Variants in SPTSSB observed in about 807,000 individuals in gnomAD.
SPTSSB encodes the protein androgen down regulated in mouse prostate.
SPTSSB carries 6 observed loss-of-function variants against 7.7 expected under a neutral mutation model. That is an observed-to-expected ratio of 0.78 (90% CI 0.43 to 1.54). The LOEUF is 1.54. Among genes scored for constraint, SPTSSB ranks in the 40% most tolerant of loss-of-function variants. The pLI, the probability that SPTSSB is intolerant of heterozygous loss-of-function variation, is 0.01. For synonymous variants in SPTSSB, 28 were observed against 29.7 expected, an observed-to-expected ratio of 0.94 and a Z score of 0.19; for missense variants, 91 against 93.0, an observed-to-expected ratio of 0.98 and a Z score of 0.09.
intron 1 of SPTSSB, among the ~76,000 whole-genome samples, chr3:161,363,424 GACA>G (rs1275678411): frequency 6.6e-6 from 1 of 151,890 alleles, no homozygotes; most frequent in Non-Finnish European, 1.5e-5. Context: ...AGACTTTGCT[GACA>G]ACTTTAAGAG....
At chr3:161,364,341 C>T (rs951828147) in intron 1 of SPTSSB, among the ~76,000 whole-genome samples, 1 of 152,066 alleles carries the variant, frequency 6.6e-6, no homozygotes, top group Non-Finnish European at 1.5e-5. Context: ...CATCAAAGGT[C>T]GCTATCTGAG....
chr3:161,352,913 A>G (rs1186667108), intron 2 of SPTSSB, among the ~76,000 whole-genome samples: 1 of 152,204 alleles, frequency 6.6e-6, no homozygotes, highest in Non-Finnish European at 1.5e-5. Context: ...TTTAAATCCT[A>G]TTGAAATAGC....
At chr3:161,358,167 C>A (rs1190596400) in intron 2 of SPTSSB, among the ~76,000 whole-genome samples, 2 of 151,710 alleles carry the variant, frequency 1.3e-5, no homozygotes, top group Non-Finnish European at 2.9e-5. Flanking sequence ...AGGCGTGCAC[C>A]ACTGCCCCCG....
chr3:161,367,594 A>G (rs2108169595), intron 1 of SPTSSB, among the ~76,000 whole-genome samples: 1 of 152,356 alleles, frequency 6.6e-6, no homozygotes, highest in Admixed American at 6.5e-5. Flanking sequence ...TGGGAACTCA[A>G]AACATAAAAG....
chr3:161,371,074 C>T (rs897523810), intron 1 of SPTSSB, among the ~76,000 whole-genome samples: 2 of 152,036 alleles, frequency 1.3e-5, no homozygotes, highest in African/African-American at 2.4e-5. Flanking sequence ...TATAGGAGCA[C>T]GGAACTAGGT....
chr3:161,354,093 A>G (rs1214086721), intron 2 of SPTSSB, among the ~76,000 whole-genome samples: 1 of 152,216 alleles, frequency 6.6e-6, no homozygotes, highest in Non-Finnish European at 1.5e-5. Context: ...CTACACATTC[A>G]TTAGTTGGAT....
rs531188327 is a variant in SPTSSB, at chr3:161,360,153, G to GGGA, written c.-125-262_-125-260dup. Among the ~76,000 whole-genome samples, 1,203 of 152,272 alleles carry GGGA rather than the reference G, an allele frequency of 7.9e-3. 11 individuals are homozygous for GGGA. The highest frequency in any genetic ancestry group is 0.027 in the African/African-American group (1,137 of 41,564). On this transcript the variant is annotated intron_variant, in intron 1 of 2. Coordinates refer to ENST00000620149, the MANE Select transcript of SPTSSB (RefSeq NM_001040100.2). Reference sequence around the variant, plus strand: ...AAGTGCCACAGGTACCAGGGTTGAGGGGAGGCCCAAGGAGGGACAAAGGGA... The same window carrying GGGA: ...AAGTGCCACAGGTACCAGGGTTGAGGGGAGGAGGCCCAAGGAGGGACAAAGGGA...
At chr3:161,347,492 C>T (rs912866977) in intron 2 of SPTSSB, among the ~76,000 whole-genome samples, 5 of 151,702 alleles carry the variant, frequency 3.3e-5, no homozygotes, top group Admixed American at 1.3e-4. Flanking sequence ...GAACTCCTGA[C>T]CACAGGTGAT....
intron 2 of SPTSSB, 178 bp downstream of exon 2, chr3:161,359,624 G>T: frequency 1.6e-6 from 1 of 622,350 alleles, no homozygotes; most frequent in African/African-American, 2.0e-5. Context: ...AATTACTAGA[G>T]CTAATTGCCC....
chr3:161,357,595 T>C (rs576200500), intron 2 of SPTSSB, among the ~76,000 whole-genome samples: 1 of 152,360 alleles, frequency 6.6e-6, no homozygotes, highest in African/African-American at 2.4e-5. Context: ...TGTTCATGTC[T>C]TGGAAGCAGT....
At chr3:161,350,004 T>A (rs1458721826) in intron 2 of SPTSSB, among the ~76,000 whole-genome samples, 1 of 152,062 alleles carries the variant, frequency 6.6e-6, no homozygotes, top group Admixed American at 6.6e-5. Flanking sequence ...GGGCAGGACT[T>A]TGTTCTGGCT....
chr3:161,358,400 G>A (rs9844862), intron 2 of SPTSSB, among the ~76,000 whole-genome samples: 64,015 of 151,834 alleles, frequency 0.42, 14,116 homozygotes, highest in East Asian at 0.64. Flanking sequence ...TACTAATTTT[G>A]TGACCCTGGC....
chr3:161,356,214 C>T (rs1224817522), intron 2 of SPTSSB, among the ~76,000 whole-genome samples: 1 of 152,198 alleles, frequency 6.6e-6, no homozygotes, highest in Non-Finnish European at 1.5e-5. Flanking sequence ...GCTTAATCTT[C>T]TACAGTACTT....
At chr3:161,354,722 C>A (rs1255666760) in intron 2 of SPTSSB, among the ~76,000 whole-genome samples, 1 of 152,128 alleles carries the variant, frequency 6.6e-6, no homozygotes, top group Non-Finnish European at 1.5e-5. Context: ...TATTTCTAGT[C>A]CAACTATCAA....
chr3:161,367,927 C>T (rs1013007840), intron 1 of SPTSSB, among the ~76,000 whole-genome samples: 1 of 152,178 alleles, frequency 6.6e-6, no homozygotes, highest in Non-Finnish European at 1.5e-5. Flanking sequence ...GTAGGAGGAA[C>T]AAGTGGCCTC....
chr3:161,353,526 T>C (rs752935052), intron 2 of SPTSSB, among the ~76,000 whole-genome samples: 9 of 151,998 alleles, frequency 5.9e-5, no homozygotes, highest in Non-Finnish European at 1.0e-4. Context: ...AAATATTTCT[T>C]GGGCAGGGCC....
At chr3:161,346,797 G>A (rs9837806) in intron 2 of SPTSSB, among the ~76,000 whole-genome samples, 1,683 of 152,266 alleles carry the variant, frequency 0.011, 37 homozygotes, top group Admixed American at 0.016. Context: ...GTGAAGTAGG[G>A]AGAACAGCCA....
intron 1 of SPTSSB, among the ~76,000 whole-genome samples, chr3:161,368,396 T>C (rs1715305868): frequency 6.6e-6 from 1 of 151,914 alleles, no homozygotes; most frequent in African/African-American, 2.4e-5. Flanking sequence ...CTGTACCCTT[T>C]AGTCACTCCC....
intron 1 of SPTSSB, among the ~76,000 whole-genome samples, chr3:161,370,135 A>G (rs1715445217): frequency 6.6e-6 from 1 of 152,184 alleles, no homozygotes; most frequent in Admixed American, 6.5e-5. Flanking sequence ...TAATTAGCAT[A>G]GTAGAGATAG....
Sources: allele counts gnomAD v4.1 joint callset (sites outside exome capture counted in the v4.1 genomes callset), GRCh38; gene constraint gnomAD v4.1.1; transcripts MANE v1.5; gene names NCBI Gene and HGNC (gene_info 2026-07-23, HGNC 2026-07-21).